SUMF1: variants seen among roughly 807,000 people sequenced by gnomAD.
SUMF1 encodes the protein sulfatase modifying factor 1, also known as formylglycine-generating enzyme.
A neutral mutation model predicts 47.6 loss-of-function variants in SUMF1; 48 were observed. The ratio of observed to expected loss-of-function variants is 1.01; its 90% confidence interval spans 0.80 to 1.28. The LOEUF (loss-of-function observed/expected upper bound fraction) is 1.28, where lower values mean the gene tolerates loss of function less well. Among genes scored for constraint, SUMF1 ranks in the 50% most tolerant of loss-of-function variants. The pLI is 0.00. For synonymous variants in SUMF1, 230 were observed against 192.1 expected, an observed-to-expected ratio of 1.20 and a Z score of -1.63; for missense variants, 571 against 485.4, an observed-to-expected ratio of 1.18 and a Z score of -1.66.
At position 4,167,595 on chromosome 3, in the gene SUMF1, G is replaced by A. The variant is rs151241783; in HGVS notation, c.1015-98850C>T. ...ACAAACCTCTTGCTAGCTACAGAGCGCTGATTGGTGCATTTTACAATCCCC... is the reference window on the plus strand; with the variant it reads ...ACAAACCTCTTGCTAGCTACAGAGCACTGATTGGTGCATTTTACAATCCCC... On this transcript the variant is annotated intron_variant and NMD_transcript_variant, in intron 8 of 12. Coordinates refer to the SUMF1 transcript ENST00000448413. 7.5e-4 allele frequency among the ~76,000 whole-genome samples: 114 copies of A among 152,160 alleles called. 1 individual carries two copies. In the East Asian group the frequency reaches 0.015, roughly 20 times the overall value.
intron 8 of SUMF1, among the ~76,000 whole-genome samples, chr3:4,362,493 A>G (rs780818887): frequency 1.6e-4 from 25 of 152,260 alleles, no homozygotes; most frequent in Non-Finnish European, 2.8e-4. Flanking sequence ...AGCATTAGAT[A>G]TAACAGCAAA....
At chr3:4,272,293 C>T (rs928808587) in intron 8 of SUMF1, among the ~76,000 whole-genome samples, 3 of 152,138 alleles carry the variant, frequency 2.0e-5, no homozygotes, top group African/African-American at 7.2e-5. Flanking sequence ...TGGAGGAAAA[C>T]GCAGAGGCTG....
intron 8 of SUMF1, among the ~76,000 whole-genome samples, chr3:4,302,758 C>T (rs1698001626): frequency 6.6e-6 from 1 of 152,126 alleles, no homozygotes; most frequent in South Asian, 2.1e-4. Context: ...AAATGCTCCA[C>T]CGGATTCAGC....
intron 9 of SUMF1, among the ~76,000 whole-genome samples, chr3:4,067,236 A>T (rs1695399029): frequency 6.6e-6 from 1 of 152,168 alleles, no homozygotes; most frequent in South Asian, 2.1e-4. Flanking sequence ...TTGGTGTATC[A>T]GTAAGACAGG....
At chr3:4,435,005 G>A (rs1045158608) in intron 3 of SUMF1, among the ~76,000 whole-genome samples, 1 of 152,142 alleles carries the variant, frequency 6.6e-6, no homozygotes, top group Non-Finnish European at 1.5e-5. Context: ...TCAGCTCACT[G>A]CAACCTCCGC....
At chr3:4,080,222 T>C (rs1692530290) in intron 8 of SUMF1, among the ~76,000 whole-genome samples, 1 of 152,158 alleles carries the variant, frequency 6.6e-6, no homozygotes, top group Admixed American at 6.5e-5. Flanking sequence ...TTTGCTTTGA[T>C]CTCAAACTTA....
chr3:4,133,474 T>G lies in SUMF1; in HGVS notation c.1015-64729A>C, dbSNP rs147271986. On this transcript the variant is annotated intron_variant and NMD_transcript_variant, in intron 8 of 12. Coordinates refer to the SUMF1 transcript ENST00000448413. ...ATTGAAGGATACAAAGTATTGGTCC[T>G]CAGTGTGTCTGTGAGGGTGTTGCTG... Among the ~76,000 whole-genome samples, 35 of 152,228 alleles carry G rather than the reference T, an allele frequency of 2.3e-4. No homozygotes were observed. In the East Asian group the frequency reaches 6.7e-3, roughly 29 times the overall value.
chr3:4,317,404 C>G (rs1698708410), intron 8 of SUMF1: 4 of 622,346 alleles, frequency 6.4e-6, no homozygotes, highest in Non-Finnish European at 8.2e-6. Context: ...GAAATGTGGC[C>G]TGGCATGGTG....
At chr3:4,276,560 C>G (rs934046906) in intron 8 of SUMF1, among the ~76,000 whole-genome samples, 1 of 152,160 alleles carries the variant, frequency 6.6e-6, no homozygotes, top group African/African-American at 2.4e-5. Flanking sequence ...GGGGTCTCCT[C>G]ATTCCTTCCT....
At chr3:4,418,884 C>CACT (rs1701804296) in intron 4 of SUMF1, among the ~76,000 whole-genome samples, 1 of 152,178 alleles carries the variant, frequency 6.6e-6, no homozygotes. Flanking sequence ...ATTCACCCAG[C>CACT]ACTAGATGGC....
chr3:4,309,930 CAT>C (rs1291114784), intron 8 of SUMF1, among the ~76,000 whole-genome samples: 3 of 152,180 alleles, frequency 2.0e-5, no homozygotes, highest in Non-Finnish European at 4.4e-5. Context: ...ATGCAAAAGT[CAT>C]AGAGTGCACA....
intron 7 of SUMF1, among the ~76,000 whole-genome samples, chr3:4,392,847 T>C (rs554709047): frequency 6.3e-5 from 9 of 143,374 alleles, no homozygotes; most frequent in African/African-American, 2.2e-4. Flanking sequence ...TTTTTTCAAT[T>C]CCATTGAGGT....
At chr3:4,283,835 G>A (rs1054807632) in intron 8 of SUMF1, among the ~76,000 whole-genome samples, 16 of 152,118 alleles carry the variant, frequency 1.1e-4, no homozygotes, top group Admixed American at 2.0e-4. Context: ...CATATTTGGC[G>A]TCTGGTAAGG....
chr3:4,086,773 C>T (rs1463824489), intron 8 of SUMF1, among the ~76,000 whole-genome samples: 2 of 152,030 alleles, frequency 1.3e-5, no homozygotes, highest in South Asian at 2.1e-4. Flanking sequence ...CGGTTTCCCC[C>T]ATACTGTTCT....
At chr3:4,142,204 T>C (rs2125097436) in intron 8 of SUMF1, among the ~76,000 whole-genome samples, 1 of 152,272 alleles carries the variant, frequency 6.6e-6, no homozygotes, top group South Asian at 2.1e-4. Flanking sequence ...TTTTTCTCTA[T>C]TGTTGAGAAA....
In SUMF1 at chr3:4,160,684, C is replaced by T. The variant is rs532498464; in HGVS notation, c.1015-91939G>A. On this transcript the variant is annotated intron_variant and NMD_transcript_variant, in intron 8 of 12. Coordinates refer to the SUMF1 transcript ENST00000448413. ...CTTGATTCTTTTTCACTATTTCCAT[C>T]TCTTTGTTAAATTTATCTGATAGGA... Among the ~76,000 whole-genome samples, 245 of 152,128 alleles carry T rather than the reference C, an allele frequency of 1.6e-3. 1 individual carries two copies. Among genetic ancestry groups the T allele is most frequent in the Middle Eastern group, 6.8e-3 (2 of 294 alleles).
intron 9 of SUMF1, among the ~76,000 whole-genome samples, chr3:4,035,736 T>C (rs574950179): frequency 2.0e-5 from 3 of 152,248 alleles, no homozygotes; most frequent in African/African-American, 7.2e-5. Flanking sequence ...ATGTGCCCAA[T>C]GGTGATAATA....
At chr3:4,442,112 C>G (rs1163793103) in intron 3 of SUMF1, among the ~76,000 whole-genome samples, 4 of 152,170 alleles carry the variant, frequency 2.6e-5, no homozygotes, top group Non-Finnish European at 5.9e-5. Context: ...AAAGAGCCAA[C>G]AGGCATTACT....
intron 9 of SUMF1, among the ~76,000 whole-genome samples, chr3:4,058,010 T>A (rs943606674): frequency 3.9e-5 from 6 of 152,112 alleles, no homozygotes; most frequent in Non-Finnish European, 1.5e-5. Flanking sequence ...TAAGTGAGTG[T>A]TCTCTCTATG....
Sources: gnomAD v4.1 joint callset for allele counts (sites outside exome capture counted in the v4.1 genomes callset) on GRCh38, gnomAD v4.1.1 for gene constraint, MANE v1.5 for transcripts, NCBI Gene and HGNC (gene_info 2026-07-23, HGNC 2026-07-21) for gene names.